The following PATJ variants were observed in gnomAD, a reference collection of about 807,000 sequenced individuals.
The protein encoded by PATJ is PATJ crumbs cell polarity complex component, also known as inaD-like protein.
Under a neutral mutation model 224.9 loss-of-function variants are expected in PATJ, and 190 were observed. The observed-to-expected ratio is 0.84, with a 90% CI of 0.75 to 0.95. PATJ has a LOEUF of 0.95. Ranked by LOEUF, PATJ falls within the 40% of genes least tolerant of loss-of-function variation. The pLI is 0.00. For synonymous variants in PATJ, 769 were observed against 820.3 expected (o/e 0.94, Z 1.07); for missense variants, 2,121 against 2,270.3 (o/e 0.93, Z 1.34).
At chr1:62,012,305 G>A (rs1379258597) in intron 28 of PATJ, among the ~76,000 whole-genome samples, 4 of 152,088 alleles carry the variant, frequency 2.6e-5, no homozygotes, top group Non-Finnish European at 5.9e-5. Context: ...AGCACCTTGG[G>A]CAAATTATAG....
intron 33 of PATJ, among the ~76,000 whole-genome samples, chr1:62,101,265 T>C (rs1662132428): frequency 6.7e-6 from 1 of 148,186 alleles, no homozygotes; most frequent in African/African-American, 2.5e-5. Flanking sequence ...TTTTCTTTTT[T>C]TTTTTTTTTT....
At chr1:61,853,158 G>A (rs1412459769) in intron 17 of PATJ, among the ~76,000 whole-genome samples, 3 of 152,126 alleles carry the variant, frequency 2.0e-5, no homozygotes, top group Non-Finnish European at 2.9e-5. Context: ...TCTAAAGAAG[G>A]CCTCACTTTG....
chr1:61,866,332 T>C (rs912074678), intron 20 of PATJ, among the ~76,000 whole-genome samples: 9 of 152,240 alleles, frequency 5.9e-5, no homozygotes, highest in Admixed American at 3.9e-4. Context: ...TGGTCAAATG[T>C]ATACTTACGA....
chr1:61,894,823 C>T (rs1670135817), intron 22 of PATJ, among the ~76,000 whole-genome samples: 1 of 152,136 alleles, frequency 6.6e-6, no homozygotes, highest in African/African-American at 2.4e-5. Flanking sequence ...ATTTGGAGGG[C>T]TCAGAAGCTG....
At chr1:61,795,124 A>C (rs973815732) in intron 9 of PATJ, among the ~76,000 whole-genome samples, 1 of 144,706 alleles carries the variant, frequency 6.9e-6, no homozygotes, top group South Asian at 2.3e-4. Flanking sequence ...AAAAAAAAAG[A>C]AGTTTTATGC....
At chr1:61,894,110 C>T (rs12042380) in intron 22 of PATJ, among the ~76,000 whole-genome samples, 35,905 of 151,304 alleles carry the variant, frequency 0.24, 4,892 homozygotes, top group African/African-American at 0.37. Flanking sequence ...CAAAATTAGC[C>T]GGGCTTGGTG....
intron 5 of PATJ, among the ~76,000 whole-genome samples, chr1:61,771,088 T>C (rs1258980689): frequency 1.3e-5 from 2 of 152,056 alleles, no homozygotes; most frequent in African/African-American, 4.8e-5. Flanking sequence ...AGAGATCAGA[T>C]TGGAAGGGGT....
At chr1:62,049,192 A>G (rs921956540) in intron 30 of PATJ, among the ~76,000 whole-genome samples, 11 of 151,486 alleles carry the variant, frequency 7.3e-5, no homozygotes, top group Admixed American at 5.9e-4. Context: ...TATAGAAATA[A>G]TTAATGCAAA....
intron 16 of PATJ, among the ~76,000 whole-genome samples, chr1:61,829,636 T>C (rs377396819): frequency 2.0e-5 from 3 of 152,354 alleles, no homozygotes; most frequent in East Asian, 3.9e-4. Flanking sequence ...GGTTGCAGTA[T>C]AATATCTTAT....
intron 41 of PATJ, among the ~76,000 whole-genome samples, chr1:62,133,746 T>C (rs942350318): frequency 1.8e-5 from 1 of 55,942 alleles, no homozygotes. Flanking sequence ...AAGAATTTGC[T>C]TTTTTTTTTT....
intron 33 of PATJ, among the ~76,000 whole-genome samples, chr1:62,106,262 G>A (rs1038229831): frequency 7.1e-6 from 1 of 140,116 alleles, no homozygotes; most frequent in Non-Finnish European, 1.5e-5. Flanking sequence ...TTGAGCCCAG[G>A]AGGTTGAGAC....
At chr1:61,762,787 T>G (rs1366232799) in intron 1 of PATJ, 71 bp from the exon 2 acceptor site, 9 of 665,910 alleles carry the variant, frequency 1.4e-5, no homozygotes, top group Non-Finnish European at 2.3e-5. Flanking sequence ...AGGTTTTCCT[T>G]AATTTTTCTA....
chr1:61,815,418 T>G (rs776860072), intron 14 of PATJ, among the ~76,000 whole-genome samples: 4 of 152,220 alleles, frequency 2.6e-5, no homozygotes, highest in Admixed American at 6.5e-5. Context: ...AGCAGGGTTT[T>G]GTCTATGATC....
chr1:62,062,500 T>TC (rs1415276251), intron 31 of PATJ, among the ~76,000 whole-genome samples: 1 of 125,054 alleles, frequency 8.0e-6, no homozygotes, highest in African/African-American at 3.0e-5. Flanking sequence ...CTTTTTTTTT[T>TC]TTTTTTTTTT....
chr1:61,885,329 C>T (rs545778372), intron 22 of PATJ, among the ~76,000 whole-genome samples: 14 of 152,138 alleles, frequency 9.2e-5, no homozygotes, highest in African/African-American at 3.1e-4. Context: ...AACAAATTTA[C>T]AAGAAAAACA....
chr1:61,762,939 A>G, intron 2 of PATJ, 25 bp downstream of exon 2: 1 of 1,501,446 alleles, frequency 6.7e-7, no homozygotes. Flanking sequence ...TTGTTCTATA[A>G]TTAAATTAAT....
At chr1:61,789,342 CA>C (rs577753647) in intron 8 of PATJ, among the ~76,000 whole-genome samples, 8 of 149,712 alleles carry the variant, frequency 5.3e-5, no homozygotes, top group African/African-American at 7.3e-5. Context: ...ACAAAACAGA[CA>C]AAAAAAAACT....
At position 61,827,516 on chromosome 1, in the gene PATJ, GGTT is replaced by G; in HGVS notation, c.1917_1919del (p.Leu639del). 6.2e-7 allele frequency: 1 copy of G among 1,614,012 alleles called. No individual in the cohort carries two copies. Among genetic ancestry groups the G allele is most frequent in the Non-Finnish European group, 8.5e-7 (1 of 1,180,012 alleles). On this transcript the variant is annotated inframe_deletion, in exon 16 of 44. Transcript: ENST00000642238. ...CCTTTTACTTTGGTTTGCTGTCGGA[GGTT>G]GTTTGATGATGAAGCTTCTGTAGAT... is the stretch of plus-strand genomic sequence containing the variant.
At chr1:62,019,146 G>A (rs1646937067) in intron 29 of PATJ, among the ~76,000 whole-genome samples, 2 of 151,790 alleles carry the variant, frequency 1.3e-5, no homozygotes, top group South Asian at 4.2e-4. Flanking sequence ...TCAGGAGGCT[G>A]AGGCAAGAGA....
Sources: gnomAD v4.1 joint callset for allele counts (sites outside exome capture counted in the v4.1 genomes callset) on GRCh38, gnomAD v4.1.1 for gene constraint, MANE v1.5 for transcripts, NCBI Gene and HGNC (gene_info 2026-07-23, HGNC 2026-07-21) for gene names.